The following FSHR variants were observed in gnomAD, a reference collection of about 807,000 sequenced individuals.
FSHR encodes follicle-stimulating hormone receptor.
In FSHR, 46 loss-of-function variants were observed where a neutral mutation model predicts 52.1. The ratio of observed to expected loss-of-function variants is 0.88; its 90% CI spans 0.70 to 1.13. The LOEUF (loss-of-function observed/expected upper bound fraction) is 1.13, where lower values mean the gene tolerates loss of function less well. Among genes scored for constraint, FSHR ranks in the 50% most tolerant of loss-of-function variants. FSHR has a pLI of 0.00. For synonymous variants in FSHR, 399 were observed against 309.6 expected, an observed-to-expected ratio of 1.29 and a Z score of -3.03; for missense variants, 964 against 834.6, an observed-to-expected ratio of 1.16 and a Z score of -1.91.
At chr2:49,117,866 G>A (rs191732375) in intron 1 of FSHR, among the ~76,000 whole-genome samples, 161 of 152,188 alleles carry the variant, frequency 1.1e-3, no homozygotes, top group African/African-American at 3.7e-3. Context: ...TCGATTTTGC[G>A]TGACAGTGAT....
intron 2 of FSHR, among the ~76,000 whole-genome samples, chr2:49,058,139 T>C (rs193267519): frequency 3.9e-4 from 60 of 152,306 alleles, no homozygotes; most frequent in African/African-American, 1.3e-3. Flanking sequence ...ACCACTCTTA[T>C]GTAACATAGT....
chr2:48,998,747 A>G (rs1676132823), intron 4 of FSHR, among the ~76,000 whole-genome samples: 1 of 151,626 alleles, frequency 6.6e-6, no homozygotes, highest in Non-Finnish European at 1.5e-5. Flanking sequence ...TAATATTACA[A>G]TGACCTCTTA....
chr2:49,092,002 C>T (rs1287705766), intron 1 of FSHR, among the ~76,000 whole-genome samples: 2 of 152,184 alleles, frequency 1.3e-5, no homozygotes, highest in Non-Finnish European at 2.9e-5. Flanking sequence ...ATTATGAACA[C>T]AACACAGTAT....
intron 1 of FSHR, among the ~76,000 whole-genome samples, chr2:49,127,833 T>TTCCTCTTCCTCTTCC (rs1558456707): frequency 1.4e-4 from 1 of 6,972 alleles, no homozygotes; most frequent in African/African-American, 1.2e-3. Flanking sequence ...CTTCTTCCTC[T>TTCCTCTTCCTCTTCC]TCTTCTTCTT....
In FSHR at chr2:48,985,697, GTTTTTTTTT is replaced by G. The variant is rs70946839; in HGVS notation, c.525-2540_525-2532del. ...TTCAGTTTCAGGGGAGCAAGTACAG[GTTTTTTTTT>G]TTTTTTTTTTTTTTTTTTGAGACGG... On this transcript the variant is annotated intron_variant, in intron 6 of 9. Transcript: ENST00000406846. 6.0e-5 allele frequency among the ~76,000 whole-genome samples: 6 copies of G among 99,578 alleles called. No individual in the cohort carries two copies. In the East Asian group the frequency reaches 1.8e-3, roughly 30 times the overall value. 65.3% of individuals were successfully genotyped at this position (99,578 alleles called of 152,430 possible). A position where few individuals can be genotyped will look rare whatever the true frequency, so the allele number is the denominator to read the frequency against.
intron 2 of FSHR, among the ~76,000 whole-genome samples, chr2:49,021,871 A>ATATATATATC (rs1400052844): frequency 1.8e-5 from 1 of 54,478 alleles, no homozygotes; most frequent in Admixed American, 2.1e-4. Flanking sequence ...CTCTATATAT[A>ATATATATATC]TATATATATA....
At chr2:49,080,890 A>G (rs912212182) in intron 1 of FSHR, among the ~76,000 whole-genome samples, 1 of 151,878 alleles carries the variant, frequency 6.6e-6, no homozygotes, top group African/African-American at 2.4e-5. Flanking sequence ...TTATTCCCCT[A>G]CTCTAATTAC....
At chr2:49,093,537 G>A (rs1670694470) in intron 1 of FSHR, among the ~76,000 whole-genome samples, 1 of 150,928 alleles carries the variant, frequency 6.6e-6, no homozygotes, top group Admixed American at 6.6e-5. Context: ...TACATGGCAT[G>A]GCATAGTCTC....
At chr2:49,056,441 T>C (rs899985564) in intron 2 of FSHR, among the ~76,000 whole-genome samples, 1 of 121,280 alleles carries the variant, frequency 8.2e-6, no homozygotes, top group Non-Finnish European at 1.7e-5. Flanking sequence ...ATCATTACAA[T>C]TGGAATATAT....
intron 1 of FSHR, among the ~76,000 whole-genome samples, chr2:49,082,974 A>T (rs1005768852): frequency 6.6e-5 from 10 of 151,848 alleles, no homozygotes; most frequent in Non-Finnish European, 1.5e-4. Context: ...GCCAACATTC[A>T]GATTCAGGAA....
At chr2:49,049,043 C>A (rs1668760875) in intron 2 of FSHR, among the ~76,000 whole-genome samples, 1 of 151,826 alleles carries the variant, frequency 6.6e-6, no homozygotes, top group South Asian at 2.1e-4. Flanking sequence ...TAGATTGCTT[C>A]TTTTTATTTT....
intron 1 of FSHR, among the ~76,000 whole-genome samples, chr2:49,084,092 G>T (rs1251130675): frequency 6.6e-6 from 1 of 151,892 alleles, no homozygotes. Context: ...CACATACTTG[G>T]AAGTAAAGCT....
intron 2 of FSHR, among the ~76,000 whole-genome samples, chr2:49,042,344 T>G (rs1430811870): frequency 6.6e-6 from 1 of 151,604 alleles, no homozygotes; most frequent in Non-Finnish European, 1.5e-5. Context: ...TAGATAACAA[T>G]GGGGGAAGGA....
At chr2:49,030,309 TG>T (rs1668057161) in intron 2 of FSHR, among the ~76,000 whole-genome samples, 5 of 143,914 alleles carry the variant, frequency 3.5e-5, no homozygotes, top group African/African-American at 1.3e-4. Flanking sequence ...TGTGTGTGTG[TG>T]TGTGTTATTG....
Position 48,972,434 on chromosome 2 carries a change from A to T in FSHR, c.669-3551T>A, listed in dbSNP as rs1342190396. Among the ~76,000 whole-genome samples the T allele has an allele frequency of 2.0e-5, 3 of 152,116 alleles. No homozygotes were observed. In the East Asian group the frequency reaches 5.8e-4, roughly 29 times the overall value. ...TCCATGAACCCTTGTCTCTTTGATG[A>T]ATCTTTGATCTCTGCTGCTGTCTCT... On this transcript the variant is annotated intron_variant, in intron 8 of 9. Coordinates refer to ENST00000406846, the MANE Select transcript of FSHR (RefSeq NM_000145.4).
rs142680569 is a variant in FSHR, at chr2:49,105,310, T to C, written c.153-37020A>G. The stretch of plus-strand genomic sequence containing the variant: ...TGCTTGCATTGGTATATCTCAATCA[T>C]GTTGCACTGATAAACTCCCCTCCTT... On this transcript the variant is annotated intron_variant, in intron 1 of 9. Coordinates refer to ENST00000406846, the MANE Select transcript of FSHR (RefSeq NM_000145.4). 3.3e-4 allele frequency among the ~76,000 whole-genome samples: 50 copies of C among 152,244 alleles called. No homozygotes were observed. In the East Asian group the frequency reaches 9.5e-3, roughly 29 times the overall value.
At chr2:49,132,968 T>TAAAAAAAAAAAAAAAAAAAAA (rs34913428) in intron 1 of FSHR, among the ~76,000 whole-genome samples, 2 of 48,652 alleles carry the variant, frequency 4.1e-5, no homozygotes, top group African/African-American at 1.7e-4. Flanking sequence ...TAAAACTCAG[T>TAAAAAAAAAAAAAAAAAAAAA]AAAAAAAAAA....
At chr2:49,130,422 A>G (rs1022595409) in intron 1 of FSHR, among the ~76,000 whole-genome samples, 4 of 152,192 alleles carry the variant, frequency 2.6e-5, no homozygotes, top group African/African-American at 9.7e-5. Flanking sequence ...GGCCTTGATT[A>G]TCTGGTGAAT....
chr2:48,962,882 A>G lies in FSHR; in HGVS notation c.1939T>C (p.Tyr647His). Reference sequence around the variant, plus strand: ...CTATAAATTTGGGCTTGCATTTCATAGCAGCCACACTTGCTCAGCAGAATG... The same window carrying G: ...CTATAAATTTGGGCTTGCATTTCATGGCAGCCACACTTGCTCAGCAGAATG... Reference protein sequence around the residue: ...FFILLSKCGCYEMQAQIYRTE... With the variant: ...FFILLSKCGCHEMQAQIYRTE... The change falls in exon 10 of 10, where the codon TAT becomes CAT. Residue 647 changes from tyrosine (Y) to histidine (H), a missense_variant. Tyr to His is a moderately conservative substitution (Grantham distance 83). Transcript: ENST00000406846. The G allele has an allele frequency of 3.7e-6, 6 of 1,614,146 alleles. No individual in the cohort carries two copies. The highest frequency in any genetic ancestry group is 4.2e-6 in the Non-Finnish European group (5 of 1,180,022).
Sources: gnomAD v4.1 joint callset for allele counts (sites outside exome capture counted in the v4.1 genomes callset) on GRCh38, gnomAD v4.1.1 for gene constraint, MANE v1.5 for transcripts, NCBI Gene and HGNC (gene_info 2026-07-23, HGNC 2026-07-21) for gene names.